The following TTLL5 variants were observed in gnomAD, a reference collection of about 807,000 sequenced individuals.
The protein encoded by TTLL5 is tubulin tyrosine ligase like 5.
Under a neutral mutation model 168.4 loss-of-function variants are expected in TTLL5, and 132 were observed. The ratio of observed to expected loss-of-function variants is 0.78; its 90% confidence interval spans 0.68 to 0.91. The LOEUF (loss-of-function observed/expected upper bound fraction) is 0.91, where lower values mean the gene tolerates loss of function less well. Among genes scored for constraint, TTLL5 ranks in the 40% least tolerant of loss-of-function variants. The pLI is 0.00. For missense variants in TTLL5, 1,545 were observed against 1,581.5 expected, an observed-to-expected ratio of 0.98 and a Z score of 0.39; for synonymous variants, 546 against 558.6, an observed-to-expected ratio of 0.98 and a Z score of 0.32.
At chr14:75,745,607 T>C (rs760111969) in intron 17 of TTLL5, 26 bp downstream of exon 17, 1 of 1,570,186 alleles carries the variant, frequency 6.4e-7, no homozygotes, top group African/African-American at 1.4e-5. Flanking sequence ...TTTTTTTTTA[T>C]TCTTTACCTG....
At chr14:75,945,066 A>G (rs1181534377) in intron 31 of TTLL5, among the ~76,000 whole-genome samples, 2 of 152,030 alleles carry the variant, frequency 1.3e-5, no homozygotes, top group Non-Finnish European at 2.9e-5. Context: ...GCAAGACGCC[A>G]GAAGTATGCC....
At chr14:75,872,487 A>G (rs1036238858) in intron 29 of TTLL5, among the ~76,000 whole-genome samples, 3 of 152,154 alleles carry the variant, frequency 2.0e-5, no homozygotes, top group Non-Finnish European at 2.9e-5. Context: ...TTATGAACAA[A>G]TTTCCTAACA....
At chr14:75,864,980 A>G (rs902742595) in intron 29 of TTLL5, among the ~76,000 whole-genome samples, 2 of 152,186 alleles carry the variant, frequency 1.3e-5, no homozygotes, top group Non-Finnish European at 2.9e-5. Context: ...TCAATTGATC[A>G]TCTTTACCTG....
In TTLL5 at chr14:75,699,134, G is replaced by T. The variant is rs568197618; in HGVS notation, c.503-54G>T. On this transcript the variant is annotated intron_variant, in intron 6 of 31. Coordinates refer to ENST00000298832, the MANE Select transcript of TTLL5 (RefSeq NM_015072.5). The stretch of plus-strand genomic sequence containing the variant: ...TTGAAAGTTGATATAATAAACTCAA[G>T]TTCATTCTTTTTCTTTGTTTCCTCT... The T allele has an allele frequency of 1.1e-4, 165 of 1,505,872 alleles. 1 individual carries two copies. The African/African-American group carries it at 1.2e-3, about 11-fold the overall frequency. The allele number at this position is 1,505,872 out of a possible 1,614,324, so 93.3% of individuals were successfully genotyped here.
At chr14:75,876,518 G>C (rs1278538252) in intron 29 of TTLL5, among the ~76,000 whole-genome samples, 2 of 152,212 alleles carry the variant, frequency 1.3e-5, no homozygotes, top group Non-Finnish European at 2.9e-5. Context: ...AGAAATGAGA[G>C]GATATGTTGG....
intron 31 of TTLL5, among the ~76,000 whole-genome samples, chr14:75,921,035 G>A (rs1253422066): frequency 6.6e-6 from 1 of 152,174 alleles, no homozygotes; most frequent in African/African-American, 2.4e-5. Flanking sequence ...TTTGAGAAGT[G>A]TCTGTTCATA....
At chr14:75,667,751 G>GTTTTTTTTTTTTTTTTTTTTTTTTTTT (rs67181555) in intron 2 of TTLL5, among the ~76,000 whole-genome samples, 3 of 89,084 alleles carry the variant, frequency 3.4e-5, no homozygotes, top group Non-Finnish European at 2.0e-5. Context: ...ATCTTTTTAT[G>GTTTTTTTTTTTTTTTTTTTTTTTTTTT]TTTTTTTTTT....
intron 5 of TTLL5, 108 bp from the exon 6 acceptor site, chr14:75,690,084 C>T (rs765161310): frequency 8.3e-5 from 100 of 1,198,560 alleles, no homozygotes; most frequent in Admixed American, 1.9e-4. Context: ...ACAATACTAT[C>T]TTCACTAACC....
At chr14:75,797,855 T>G (rs539868151) in intron 27 of TTLL5, among the ~76,000 whole-genome samples, 3 of 152,252 alleles carry the variant, frequency 2.0e-5, no homozygotes, top group African/African-American at 7.2e-5. Flanking sequence ...CCTAGAATTT[T>G]GTTGGGGATT....
In TTLL5 at chr14:75,673,491, C is replaced by T. The variant is rs558084326; in HGVS notation, c.181+3969C>T. ...TCTCAGCCATTGGTTCAAATCCCAGCTTTGGTATTTCTTAGCTGTGAGTCT... is the reference window on the plus strand; with the variant it reads ...TCTCAGCCATTGGTTCAAATCCCAGTTTTGGTATTTCTTAGCTGTGAGTCT... On this transcript the variant is annotated intron_variant, in intron 3 of 31. Transcript: ENST00000298832. 7.9e-5 allele frequency among the ~76,000 whole-genome samples: 12 copies of T among 152,136 alleles called. 1 individual carries two copies. In the South Asian group the frequency reaches 2.3e-3, roughly 29 times the overall value.
intron 9 of TTLL5, 130 bp downstream of exon 9, chr14:75,707,837 C>A: frequency 2.6e-6 from 2 of 759,126 alleles, no homozygotes; most frequent in Non-Finnish European, 4.4e-6. Flanking sequence ...CTTACAGATG[C>A]AATCCACCTC....
intron 27 of TTLL5, among the ~76,000 whole-genome samples, chr14:75,804,330 T>A (rs1243151327): frequency 6.6e-6 from 1 of 152,276 alleles, no homozygotes; most frequent in Non-Finnish European, 1.5e-5. Context: ...ACAAAGGAAT[T>A]CTTTATCATT....
chr14:75,897,922 CAAG>C (rs1429204450), intron 30 of TTLL5, among the ~76,000 whole-genome samples: 1 of 152,176 alleles, frequency 6.6e-6, no homozygotes, highest in East Asian at 1.9e-4. Flanking sequence ...GTACCATTTC[CAAG>C]AAGAACAATT....
rs1252387323 is a variant in TTLL5, at chr14:75,669,541, A to G, written c.181+19A>G. 1 of 1,607,768 alleles carries G rather than the reference A, an allele frequency of 6.2e-7. No individual in the cohort carries two copies. The highest frequency in any genetic ancestry group is 1.7e-5 in the Admixed American group (1 of 59,878). On this transcript the variant is annotated intron_variant, in intron 3 of 31. Transcript: ENST00000298832. ...ATTGGAGGTGCGTATAACCTCTCCC[A>G]CAGAGGACGGAGCTGGGCATGGCCC...
intron 27 of TTLL5, 105 bp downstream of exon 27, chr14:75,793,205 C>A: frequency 2.0e-6 from 2 of 1,005,416 alleles, no homozygotes; most frequent in Non-Finnish European, 2.7e-6. Context: ...ATACTGATGC[C>A]TCTTGAATGA....
chr14:75,814,316 G>A (rs1894250453), intron 27 of TTLL5, among the ~76,000 whole-genome samples: 1 of 152,140 alleles, frequency 6.6e-6, no homozygotes, highest in Non-Finnish European at 1.5e-5. Flanking sequence ...ATGAAATGTT[G>A]ATCATCGTTG....
At chr14:75,708,231 G>T (rs1886791446) in intron 9 of TTLL5, among the ~76,000 whole-genome samples, 1 of 151,888 alleles carries the variant, frequency 6.6e-6, no homozygotes, top group Non-Finnish European at 1.5e-5. Flanking sequence ...TGACTCCAGA[G>T]CTCAGGGCTC....
chr14:75,789,063 C>T (rs1057174108), intron 26 of TTLL5, among the ~76,000 whole-genome samples: 1 of 152,048 alleles, frequency 6.6e-6, no homozygotes, highest in Non-Finnish European at 1.5e-5. Context: ...ATGATGATAA[C>T]TCTCAGCTCA....
At chr14:75,826,714 CT>C (rs1895164877) in intron 28 of TTLL5, among the ~76,000 whole-genome samples, 1 of 152,128 alleles carries the variant, frequency 6.6e-6, no homozygotes, top group Non-Finnish European at 1.5e-5. Flanking sequence ...TTTAATTCTC[CT>C]GGCATGGTTT....
Sources: allele counts gnomAD v4.1 joint callset (sites outside exome capture counted in the v4.1 genomes callset), GRCh38; gene constraint gnomAD v4.1.1; transcripts MANE v1.5; gene names NCBI Gene and HGNC (gene_info 2026-07-23, HGNC 2026-07-21).